Variants in ANKRD30B observed in about 807,000 individuals in gnomAD.
ANKRD30B encodes the protein ankyrin repeat domain 30B, also known as ankyrin repeat domain-containing protein 30B.
Under a neutral mutation model 202.2 loss-of-function variants are expected in ANKRD30B, and 144 were observed. The observed-to-expected ratio is 0.71, with a 90% confidence interval of 0.62 to 0.82. The LOEUF is 0.82. Among genes scored for constraint, ANKRD30B ranks in the 40% least tolerant of loss-of-function variants. The pLI, the probability that ANKRD30B is intolerant of heterozygous loss-of-function variation, is 0.00. For missense variants in ANKRD30B, 1,487 were observed against 1,669.1 expected (o/e 0.89, Z 1.90); for synonymous variants, 508 against 561.3 (o/e 0.91, Z 1.34).
chr18:14,852,570 A>T, intron 42 of ANKRD30B, 150 bp downstream of exon 42: 6 of 1,068,814 alleles, frequency 5.6e-6, no homozygotes, highest in Non-Finnish European at 7.4e-6. Context: ...TTTCCACCAA[A>T]TGAAAGTGAA....
the ANKRD30B span, among the ~76,000 whole-genome samples, chr18:14,903,190 A>G: frequency 6.6e-6 from 1 of 152,148 alleles, no homozygotes; most frequent in Admixed American, 6.5e-5. Flanking sequence ...GGCCAAGGCA[A>G]CACTTCCCCT....
the ANKRD30B span, among the ~76,000 whole-genome samples, chr18:14,931,154 G>A: frequency 6.6e-6 from 1 of 152,180 alleles, no homozygotes; most frequent in African/African-American, 2.4e-5. Flanking sequence ...TGTCTTTAGT[G>A]ACAGGGGATG....
chr18:14,886,732 T>G, the ANKRD30B span, among the ~76,000 whole-genome samples: 5 of 152,130 alleles, frequency 3.3e-5, no homozygotes, highest in African/African-American at 1.2e-4. Flanking sequence ...TATGAACAGA[T>G]AGTCTGGTAG....
At position 14,803,770 on chromosome 18, in the gene ANKRD30B, T is replaced by A; in HGVS notation, c.2230T>A (p.Leu744Ile). Residue 744 changes from leucine to isoleucine, a missense_variant, in exon 24 of 44, where the codon TTA (leucine) becomes ATA (isoleucine). Transcript: ENST00000690538. ...LETLLQNDVC[L>I]PKATHQKEFD... ...GACTCTCTTACAGAATGATGTGTGT[T>A]TACCCAAGGCTACACATCAAAAAGA... 1 of 1,607,366 alleles carries A rather than the reference T, an allele frequency of 6.2e-7. No homozygotes were observed. The highest frequency in any genetic ancestry group is 8.5e-7 in the Non-Finnish European group (1 of 1,178,366).
At chr18:14,936,836 C>T in the ANKRD30B span, among the ~76,000 whole-genome samples, 10 of 152,216 alleles carry the variant, frequency 6.6e-5, no homozygotes, top group African/African-American at 1.9e-4. Context: ...GTAAGCAAGA[C>T]GGGGCCAGGC....
intron 7 of ANKRD30B, among the ~76,000 whole-genome samples, chr18:14,766,493 A>AGAAAAGAAAAGAAAAGAAAAG (rs1555646769): frequency 8.2e-4 from 70 of 85,062 alleles, no homozygotes; most frequent in African/African-American, 2.6e-3. Context: ...AAAAAAAAAA[A>AGAAAAGAAAAGAAAAGAAAAG]AAAAGAAAAG....
chr18:14,899,057 C>T, the ANKRD30B span, among the ~76,000 whole-genome samples: 2 of 152,212 alleles, frequency 1.3e-5, no homozygotes, highest in East Asian at 3.9e-4. Flanking sequence ...AATATCATCT[C>T]ACCATCTCCT....
At chr18:14,851,221 T>C (rs1479182119) in intron 41 of ANKRD30B, among the ~76,000 whole-genome samples, 2 of 148,416 alleles carry the variant, frequency 1.3e-5, no homozygotes, top group Non-Finnish European at 3.0e-5. Context: ...TTTGAGCTTG[T>C]TGTAATTCAG....
Position 14,757,892 on chromosome 18 carries a change from T to C in ANKRD30B, c.695T>C (p.Phe232Ser), listed in dbSNP as rs1914630784. 1 of 1,612,726 alleles carries C rather than the reference T, an allele frequency of 6.2e-7. No individual in the cohort carries two copies. Among genetic ancestry groups the C allele is most frequent in the Admixed American group, 1.7e-5 (1 of 59,712 alleles). ...CTTCTTCAGCAAAATGTTGACGTCT[T>C]TGCTGAAGACATACATGGAATAACT... ...GMLLQQNVDV[F>S]AEDIHGITAE... Residue 232 changes from phenylalanine (F) to serine (S), a missense_variant, in exon 5 of 44, where the codon TTT becomes TCT. By Grantham distance (155) the Phe-to-Ser change is radical. Coordinates refer to ENST00000690538, the MANE Select transcript of ANKRD30B (RefSeq NM_001367607.2).
the ANKRD30B span, among the ~76,000 whole-genome samples, chr18:14,923,257 C>T: frequency 5.1e-4 from 78 of 152,198 alleles, no homozygotes; most frequent in African/African-American, 1.8e-3. Context: ...TGGGCCTGCC[C>T]GGGGTCAAAG....
intron 33 of ANKRD30B, 52 bp downstream of exon 33, chr18:14,828,360 G>A (rs1970752280): frequency 3.9e-6 from 5 of 1,269,954 alleles, no homozygotes; most frequent in Non-Finnish European, 5.5e-6. Context: ...AAAATATAGA[G>A]AAAAGAAATC....
the ANKRD30B span, among the ~76,000 whole-genome samples, chr18:14,917,169 T>C: frequency 6.6e-6 from 1 of 152,172 alleles, no homozygotes; most frequent in African/African-American, 2.4e-5. Flanking sequence ...CTGCAGGCTA[T>C]TATGCATGTC....
Position 14,752,832 on chromosome 18 carries a change from C to G in ANKRD30B, c.337-7C>G, listed in dbSNP as rs753488886. 11 of 1,605,316 alleles carry G rather than the reference C, an allele frequency of 6.9e-6. No individual in the cohort carries two copies. The African/African-American group carries it at 1.3e-4, about 20-fold the overall frequency. ...TTATAATGTACTTCTTGCTTTAATACTGACAGGCTCTACAATGCGAGAGGG... is the reference window on the plus strand; with the variant it reads ...TTATAATGTACTTCTTGCTTTAATAGTGACAGGCTCTACAATGCGAGAGGG... On this transcript the variant is annotated splice_region_variant and splice_polypyrimidine_tract_variant and intron_variant, in intron 2 of 43. Coordinates refer to ENST00000690538, the MANE Select transcript of ANKRD30B (RefSeq NM_001367607.2).
the ANKRD30B span, among the ~76,000 whole-genome samples, chr18:14,920,539 C>T: frequency 7.2e-4 from 110 of 152,282 alleles, no homozygotes; most frequent in Non-Finnish European, 1.3e-3. Context: ...CTTGTAGCTT[C>T]CTGGGGCTAT....
At chr18:14,926,431 G>A in the ANKRD30B span, among the ~76,000 whole-genome samples, 1 of 152,140 alleles carries the variant, frequency 6.6e-6, no homozygotes, top group Non-Finnish European at 1.5e-5. Context: ...CTCCCTTGAT[G>A]ACCTGTGTGG....
At chr18:14,784,947 G>A (rs879353450) in intron 14 of ANKRD30B, among the ~76,000 whole-genome samples, 2 of 151,952 alleles carry the variant, frequency 1.3e-5, no homozygotes, top group Non-Finnish European at 2.9e-5. Context: ...CCTCATTTCC[G>A]GTGTTGTCAC....
the ANKRD30B span, among the ~76,000 whole-genome samples, chr18:14,879,423 A>G: frequency 6.6e-6 from 1 of 152,286 alleles, no homozygotes; most frequent in East Asian, 1.9e-4. Flanking sequence ...ATGCTAATGC[A>G]CTGCCTCAAT....
At chr18:14,811,553 C>T (rs1437683191) in intron 28 of ANKRD30B, among the ~76,000 whole-genome samples, 5 of 145,006 alleles carry the variant, frequency 3.4e-5, no homozygotes, top group African/African-American at 1.3e-4. Context: ...CTAGAAGTAA[C>T]CAATATTCTA....
At chr18:14,845,134 G>A (rs1304223230) in intron 39 of ANKRD30B, among the ~76,000 whole-genome samples, 1 of 151,898 alleles carries the variant, frequency 6.6e-6, no homozygotes, top group Non-Finnish European at 1.5e-5. Context: ...TGTTGCCATG[G>A]CTTTTGATGT....
Sources: allele counts gnomAD v4.1 joint callset (sites outside exome capture counted in the v4.1 genomes callset), GRCh38; gene constraint gnomAD v4.1.1; transcripts MANE v1.5; gene names NCBI Gene and HGNC (gene_info 2026-07-23, HGNC 2026-07-21).